CEP85L: variants seen among roughly 807,000 people sequenced by gnomAD.
CEP85L encodes centrosomal protein of 85 kDa-like.
A neutral mutation model predicts 100.3 loss-of-function variants in CEP85L; 60 were observed. The ratio of observed to expected loss-of-function variants is 0.60; its 90% confidence interval spans 0.49 to 0.74. CEP85L has a LOEUF of 0.74. Among genes scored for constraint, CEP85L ranks in the 30% least tolerant of loss-of-function variants. The pLI is 0.00. For missense variants in CEP85L, 973 were observed against 936.2 expected, an observed-to-expected ratio of 1.04 and a Z score of -0.51; for synonymous variants, 319 against 322.7, an observed-to-expected ratio of 0.99 and a Z score of 0.12.
At chr6:118,592,883 T>C (rs1391569112) in intron 2 of CEP85L, among the ~76,000 whole-genome samples, 3 of 152,210 alleles carry the variant, frequency 2.0e-5, no homozygotes, top group Non-Finnish European at 4.4e-5. Context: ...TGTCATGTAT[T>C]ATAATTGTAT....
chr6:118,627,198 C>CAAAAAAAAAAAAAAAAAAAAGGA (rs1773857128), intron 2 of CEP85L, among the ~76,000 whole-genome samples: 1 of 72,578 alleles, frequency 1.4e-5, no homozygotes, highest in Non-Finnish European at 2.6e-5. Flanking sequence ...GACTCCATCT[C>CAAAAAAAAAAAAAAAAAAAAGGA]AAAAAAAAAA....
chr6:118,633,446 C>T (rs1349153419), intron 1 of CEP85L, among the ~76,000 whole-genome samples: 2 of 152,118 alleles, frequency 1.3e-5, no homozygotes, highest in East Asian at 3.8e-4. Flanking sequence ...CCTCGTGATC[C>T]ACCCGCCTCC....
intron 2 of CEP85L, among the ~76,000 whole-genome samples, chr6:118,600,856 G>A (rs1181485224): frequency 6.6e-6 from 1 of 151,606 alleles, no homozygotes; most frequent in Non-Finnish European, 1.5e-5. Context: ...ATAAAATTGA[G>A]GCGTGTGTTC....
chr6:118,707,964 C>CT (rs1195632897), intron 1 of CEP85L, among the ~76,000 whole-genome samples: 4 of 52,716 alleles, frequency 7.6e-5, no homozygotes, highest in Admixed American at 3.4e-4. Context: ...GAAAGAGTTG[C>CT]TTTTTTGGGG....
At chr6:118,501,938 A>G in intron 5 of CEP85L, 1 of 977,614 alleles carries the variant, frequency 1.0e-6, no homozygotes, top group Non-Finnish European at 1.6e-6. Flanking sequence ...TTAGAGAGAC[A>G]GTAGGAGCAG....
At chr6:118,676,329 C>G (rs1055144005) in intron 1 of CEP85L, among the ~76,000 whole-genome samples, 6 of 152,106 alleles carry the variant, frequency 3.9e-5, no homozygotes, top group Non-Finnish European at 8.8e-5. Context: ...TCTCCTTTTC[C>G]CAACCCTACC....
At chr6:118,480,665 C>G in intron 8 of CEP85L, 152 bp from the exon 9 acceptor site, 1 of 553,532 alleles carries the variant, frequency 1.8e-6, no homozygotes, top group Non-Finnish European at 3.2e-6. Context: ...AAACTGTTAT[C>G]TATAGTTCAT....
At chr6:118,643,823 G>A (rs1775024083) in intron 1 of CEP85L, among the ~76,000 whole-genome samples, 1 of 152,078 alleles carries the variant, frequency 6.6e-6, no homozygotes, top group African/African-American at 2.4e-5. Flanking sequence ...TATTCTGAGG[G>A]GCGAGAACAC....
intron 3 of CEP85L, chr6:118,559,399 T>C (rs1003842057): frequency 5.5e-6 from 2 of 361,328 alleles, no homozygotes; most frequent in South Asian, 2.6e-5. Context: ...GTTTTAAAAC[T>C]GCACTGCCAA....
rs1477614224 is a variant in CEP85L, at chr6:118,511,369, C to T, written c.1186G>A (p.Glu396Lys). ...THLHERIRDN[E>K]LRAQHAMLGH... ...AACATGGCATGTTGAGCCCGTAATT[C>T]ATTATCCCTTATCCTCTCATGCAGG... is the stretch of plus-strand genomic sequence containing the variant. The change falls in exon 5 of 13, where the codon GAA becomes AAA. Residue 396 changes from glutamate to lysine, a missense_variant. Transcript: ENST00000368491. 6.2e-7 allele frequency: 1 copy of T among 1,613,196 alleles called. No individual in the cohort carries two copies. The highest frequency in any genetic ancestry group is 1.7e-5 in the Admixed American group (1 of 59,948).
chr6:118,595,492 C>T (rs561597321), intron 2 of CEP85L, among the ~76,000 whole-genome samples: 2 of 152,268 alleles, frequency 1.3e-5, no homozygotes, highest in East Asian at 3.9e-4. Context: ...TAATCCTCTC[C>T]TCCATGTTTA....
At chr6:118,706,934 T>C (rs1488318857) in intron 1 of CEP85L, among the ~76,000 whole-genome samples, 1 of 152,176 alleles carries the variant, frequency 6.6e-6, no homozygotes. Flanking sequence ...CCCTACCCCA[T>C]GGAGCTCTCA....
chr6:118,577,930 T>C (rs1002354151), intron 2 of CEP85L, among the ~76,000 whole-genome samples: 4 of 152,180 alleles, frequency 2.6e-5, no homozygotes, highest in African/African-American at 4.8e-5. Context: ...TGCAAAGGCT[T>C]ATAGAAAAAG....
At chr6:118,533,612 C>CA (rs1339216586) in intron 3 of CEP85L, among the ~76,000 whole-genome samples, 1 of 152,052 alleles carries the variant, frequency 6.6e-6, no homozygotes, top group African/African-American at 2.4e-5. Flanking sequence ...ATGAGTTCAA[C>CA]AATGCTCTGA....
intron 1 of CEP85L, among the ~76,000 whole-genome samples, chr6:118,636,402 A>T (rs1774494271): frequency 6.8e-6 from 1 of 146,192 alleles, no homozygotes; most frequent in African/African-American, 2.8e-5. Context: ...AATGTCAACA[A>T]GTGTTTTAGG....
chr6:118,694,687 C>G (rs1238276869), intron 1 of CEP85L, among the ~76,000 whole-genome samples: 1 of 152,078 alleles, frequency 6.6e-6, no homozygotes, highest in Non-Finnish European at 1.5e-5. Context: ...AAGTGTTTTT[C>G]TTTCATAGAA....
At chr6:118,491,607 G>T in intron 6 of CEP85L, 79 bp downstream of exon 6, 1 of 1,533,076 alleles carries the variant, frequency 6.5e-7, no homozygotes, top group South Asian at 1.3e-5. Flanking sequence ...CATGACACCT[G>T]ACAGGGTAAA....
At chr6:118,536,314 A>T (rs1777587630) in intron 3 of CEP85L, among the ~76,000 whole-genome samples, 2 of 152,140 alleles carry the variant, frequency 1.3e-5, no homozygotes, top group Admixed American at 6.6e-5. Flanking sequence ...CACCATAAAG[A>T]CTGAGAAGAG....
chr6:118,559,982 A>C (rs1352199602), intron 3 of CEP85L: 1 of 167,114 alleles, frequency 6.0e-6, no homozygotes, highest in Non-Finnish European at 1.5e-5. Flanking sequence ...TTAAGACTTC[A>C]GAATGATTTT....
Sources: gnomAD v4.1 joint callset for allele counts (sites outside exome capture counted in the v4.1 genomes callset) on GRCh38, gnomAD v4.1.1 for gene constraint, MANE v1.5 for transcripts, NCBI Gene and HGNC (gene_info 2026-07-23, HGNC 2026-07-21) for gene names.